The following HPCAL1 variants were observed in gnomAD, a reference collection of about 807,000 sequenced individuals.
The protein encoded by HPCAL1 is hippocalcin like 1.
Under a neutral mutation model 17.1 loss-of-function variants are expected in HPCAL1, and 8 were observed. The ratio of observed to expected loss-of-function variants is 0.47; its 90% CI spans 0.27 to 0.84. The LOEUF is 0.84. Ranked by LOEUF, HPCAL1 falls within the 40% of genes least tolerant of loss-of-function variation. The probability of loss-of-function intolerance (pLI) is 0.13; values close to 1 mark genes in which losing one functional copy is unlikely to be tolerated. For synonymous variants in HPCAL1, 112 were observed against 111.4 expected (o/e 1.01, Z -0.03); for missense variants, 165 against 271.1 (o/e 0.61, Z 2.75).
At chr2:10,324,192 A>G (rs1572637507) in intron 1 of HPCAL1, among the ~76,000 whole-genome samples, 1 of 152,226 alleles carries the variant, frequency 6.6e-6, no homozygotes, top group African/African-American at 2.4e-5. Flanking sequence ...ATACTGTTTC[A>G]TTGTCATGTC....
chr2:10,306,687 A>G (rs912109625), intron 1 of HPCAL1, among the ~76,000 whole-genome samples: 1 of 152,236 alleles, frequency 6.6e-6, no homozygotes, highest in Admixed American at 6.5e-5. Context: ...ATATGACTTC[A>G]GGTAATCAAT....
At chr2:10,327,838 C>A (rs944501140) in intron 1 of HPCAL1, among the ~76,000 whole-genome samples, 1 of 152,182 alleles carries the variant, frequency 6.6e-6, no homozygotes, top group African/African-American at 2.4e-5. Context: ...GCACTTTCTG[C>A]AGACAGTGGT....
chr2:10,327,533 T>C (rs1248025982), intron 1 of HPCAL1, among the ~76,000 whole-genome samples: 1 of 152,238 alleles, frequency 6.6e-6, no homozygotes. Context: ...CAGGATTATA[T>C]GAGCTATTAT....
At chr2:10,303,332 G>A (rs1460045238) in intron 1 of HPCAL1, among the ~76,000 whole-genome samples, 155 bp downstream of exon 1, 1 of 152,224 alleles carries the variant, frequency 6.6e-6, no homozygotes, top group East Asian at 1.9e-4. Context: ...TCTCTGCGCG[G>A]TGGAGTTGTG....
intron 1 of HPCAL1, among the ~76,000 whole-genome samples, chr2:10,322,853 C>G (rs1663758037): frequency 6.6e-6 from 1 of 152,208 alleles, no homozygotes; most frequent in Non-Finnish European, 1.5e-5. Flanking sequence ...CCACTCTTAT[C>G]TAAGCCACCG....
chr2:10,371,786 C>T (rs1230282261), intron 1 of HPCAL1, among the ~76,000 whole-genome samples: 2 of 152,176 alleles, frequency 1.3e-5, no homozygotes, highest in East Asian at 1.9e-4. Context: ...CCAAGAACCT[C>T]GCTGTCAGGG....
Position 10,342,249 on chromosome 2 carries a change from C to T in HPCAL1, c.-111+39072C>T, listed in dbSNP as rs556137690. 1.1e-4 allele frequency among the ~76,000 whole-genome samples: 17 copies of T among 152,226 alleles called. No individual in the cohort carries two copies. In the South Asian group the frequency reaches 3.5e-3, roughly 32 times the overall value. On this transcript the variant is annotated intron_variant, in intron 1 of 4. Transcript: ENST00000307845. This position sits in a 1 kb window ranked among gnomAD's most constrained non-coding sequence, Gnocchi z 4.1. ...TTTGTGGGATTTAAGACAGATTTTT[C>T]CTTGCTGAGTGGTTATCATTAACCT...
chr2:10,315,292 CAA>C (rs5829256), intron 1 of HPCAL1, among the ~76,000 whole-genome samples: 6 of 134,388 alleles, frequency 4.5e-5, no homozygotes, highest in Non-Finnish European at 6.4e-5. Flanking sequence ...GACTCCGTCT[CAA>C]AAAAAAAAAA....
At chr2:10,424,489 C>T (rs954642026) in intron 4 of HPCAL1, 53 of 470,848 alleles carry the variant, frequency 1.1e-4, no homozygotes, top group Non-Finnish European at 2.2e-4. Context: ...AGGGCTTGCA[C>T]TCCACAAATA....
In HPCAL1 at chr2:10,331,918, C is replaced by T. The variant is rs1664407518; in HGVS notation, c.-111+28741C>T. On this transcript the variant is annotated intron_variant, in intron 1 of 4. Transcript: ENST00000307845. The surrounding 1 kb of genome is among the most constrained non-coding windows in gnomAD (Gnocchi z 5.0). Reference sequence around the variant, plus strand: ...ATTCAGAGGGAGCTCTCCTCATCACCTGTTGTCATTTATGAGCCCCGTGTC... The same window carrying T: ...ATTCAGAGGGAGCTCTCCTCATCACTTGTTGTCATTTATGAGCCCCGTGTC... Among the ~76,000 whole-genome samples the T allele has an allele frequency of 6.6e-6, 1 of 151,984 alleles. No homozygotes were observed. Among genetic ancestry groups the T allele is most frequent in the African/African-American group, 2.4e-5 (1 of 41,364 alleles).
rs34671924 is a variant in HPCAL1 at position 10,385,097 on chromosome 2, C to CA, written c.-110-11723dup. Among the ~76,000 whole-genome samples, 236 of 140,746 alleles carry CA rather than the reference C, an allele frequency of 1.7e-3. 2 individuals are homozygous for CA. Among genetic ancestry groups the CA allele is most frequent in the East Asian group, 7.2e-3 (33 of 4,602 alleles). The allele number at this position is 140,746 out of a possible 152,430, so 92.3% of individuals were successfully genotyped here. ...CTGGCGATAGAGCAAGACTCCGTCT[C>CA]AAAAAAAAAAAAAAAGATAGAGGTG... On this transcript the variant is annotated intron_variant, in intron 1 of 4. Transcript: ENST00000307845.
intron 1 of HPCAL1, among the ~76,000 whole-genome samples, chr2:10,375,451 GA>G (rs1349541380): frequency 6.6e-6 from 1 of 152,158 alleles, no homozygotes; most frequent in Non-Finnish European, 1.5e-5. Flanking sequence ...AGCCGTGGGG[GA>G]GGGGGGCCAG....
At chr2:10,401,638 CT>C (rs2125591678) in intron 2 of HPCAL1, among the ~76,000 whole-genome samples, 1 of 152,314 alleles carries the variant, frequency 6.6e-6, no homozygotes, top group Non-Finnish European at 1.5e-5. Context: ...GACTTCCTTC[CT>C]GCCTCTCGTC....
chr2:10,410,918 A>G (rs1337013176), intron 2 of HPCAL1, among the ~76,000 whole-genome samples: 1 of 151,926 alleles, frequency 6.6e-6, no homozygotes, highest in African/African-American at 2.4e-5. Flanking sequence ...TCACAGCAGC[A>G]TGCAGCATTC....
intron 2 of HPCAL1, among the ~76,000 whole-genome samples, chr2:10,410,135 C>T (rs1478133931): frequency 2.0e-5 from 3 of 152,082 alleles, no homozygotes; most frequent in Admixed American, 6.5e-5. Context: ...CCTCTCTGGT[C>T]GCCTTCCCTC....
intron 2 of HPCAL1, among the ~76,000 whole-genome samples, chr2:10,416,649 T>G (rs1670690963): frequency 6.6e-6 from 1 of 152,140 alleles, no homozygotes; most frequent in Admixed American, 6.5e-5. Flanking sequence ...TTTGTTGTTT[T>G]TTCTCTTCTG....
chr2:10,345,030 T>C (rs929048401), intron 1 of HPCAL1, among the ~76,000 whole-genome samples: 1 of 151,122 alleles, frequency 6.6e-6, no homozygotes, highest in Non-Finnish European at 1.5e-5. Context: ...CCTCTCTCTA[T>C]GTGTCTGTTT....
At chr2:10,370,282 C>T (rs774540646) in intron 1 of HPCAL1, among the ~76,000 whole-genome samples, 8 of 152,220 alleles carry the variant, frequency 5.3e-5, no homozygotes, top group Admixed American at 1.3e-4. Flanking sequence ...GTGTATGTTG[C>T]GGGGGCACAG....
chr2:10,386,820 C>A (rs1430464423), intron 1 of HPCAL1, among the ~76,000 whole-genome samples: 2 of 152,204 alleles, frequency 1.3e-5, no homozygotes, highest in Non-Finnish European at 1.5e-5. Flanking sequence ...CCACCTCAGG[C>A]CCTACCCACC....
Sources: allele counts gnomAD v4.1 joint callset (sites outside exome capture counted in the v4.1 genomes callset), GRCh38; gene constraint gnomAD v4.1.1; non-coding constraint Gnocchi (gnomAD v3.1); transcripts MANE v1.5; gene names NCBI Gene and HGNC (gene_info 2026-07-23, HGNC 2026-07-21).